NME7: variants seen among roughly 807,000 people sequenced by gnomAD.
The protein encoded by NME7 is NME/NM23 family member 7, also known as nucleoside diphosphate kinase 7.
A neutral mutation model predicts 49.1 loss-of-function variants in NME7; 41 were observed. The ratio of observed to expected loss-of-function variants is 0.83; its 90% CI spans 0.65 to 1.08. NME7 has a LOEUF of 1.08. NME7 is among the 50% of genes least tolerant of loss of function. The pLI, the probability that NME7 is intolerant of heterozygous loss-of-function variation, is 0.00. For missense variants in NME7, 423 were observed against 463.4 expected (o/e 0.91, Z 0.80); for synonymous variants, 139 against 150.6 (o/e 0.92, Z 0.56).
intron 1 of NME7, among the ~76,000 whole-genome samples, chr1:169,334,565 A>C (rs532782598): frequency 1.3e-4 from 20 of 152,348 alleles, no homozygotes; most frequent in Admixed American, 1.2e-3. Flanking sequence ...AATTAACTCA[A>C]GATGGATTAA....
intron 10 of NME7, among the ~76,000 whole-genome samples, chr1:169,172,385 C>G (rs2101735813): frequency 6.7e-6 from 1 of 148,998 alleles, no homozygotes; most frequent in Non-Finnish European, 1.5e-5. Flanking sequence ...TCCTTGTTTT[C>G]CAGCATCACT....
In NME7 at chr1:169,309,116, A is replaced by G. The variant is rs563939700; in HGVS notation, c.389+854T>C. ...GATGGGGTTTTGAAAGACAATAATA[A>G]TTAAATGAGGCATGCATAATTTGAC... is the stretch of plus-strand genomic sequence containing the variant. On this transcript the variant is annotated intron_variant, in intron 4 of 11. Coordinates refer to ENST00000367811, the MANE Select transcript of NME7 (RefSeq NM_013330.5). 8.8e-4 allele frequency among the ~76,000 whole-genome samples: 134 copies of G among 152,292 alleles called. 1 individual carries two copies. Among genetic ancestry groups the G allele is most frequent in the African/African-American group, 3.2e-3 (131 of 41,566 alleles).
At chr1:169,333,512 A>G (rs368458958) in intron 1 of NME7, among the ~76,000 whole-genome samples, 4 of 152,090 alleles carry the variant, frequency 2.6e-5, no homozygotes, top group African/African-American at 9.7e-5. Flanking sequence ...GGATAAATGT[A>G]TCAAAAGGAT....
chr1:169,250,008 C>T (rs1444139954), intron 7 of NME7, among the ~76,000 whole-genome samples: 1 of 151,932 alleles, frequency 6.6e-6, no homozygotes, highest in Non-Finnish European at 1.5e-5. Flanking sequence ...TAGGGAGGAT[C>T]CCTCTTTCTT....
Position 169,303,142 on chromosome 1 carries a change from T to C in NME7, c.440+3A>G. On this transcript the variant is annotated splice_donor_region_variant and intron_variant, in intron 5 of 11. Coordinates refer to ENST00000367811, the MANE Select transcript of NME7 (RefSeq NM_013330.5). The stretch of plus-strand genomic sequence containing the variant: ...ACCACTAATCCCCAAATTAAGGACC[T>C]ACTTGAAAAAGGGTCTTGACTGGTG... 6.4e-7 allele frequency: 1 copy of C among 1,564,714 alleles called. No homozygotes were observed. Among genetic ancestry groups the C allele is most frequent in the South Asian group, 1.2e-5 (1 of 86,242 alleles).
intron 7 of NME7, among the ~76,000 whole-genome samples, chr1:169,266,834 G>A (rs1024358951): frequency 1.5e-5 from 2 of 132,914 alleles, no homozygotes; most frequent in African/African-American, 2.5e-5. Flanking sequence ...TTGGGAGGCC[G>A]AGACAGGTGG....
chr1:169,237,957 T>C (rs904911727), intron 7 of NME7, among the ~76,000 whole-genome samples: 2 of 152,034 alleles, frequency 1.3e-5, no homozygotes, highest in Non-Finnish European at 2.9e-5. Context: ...TTAAAGCCCC[T>C]GAAGTCTAGG....
rs12752495 is a variant in NME7, at chr1:169,254,214, G to A, written c.755-16527C>T. ...GTCCTGGACTCTTTTTGGTTGGTAAGCTATTGATTCTTGCCACAATTTCAG... is the reference window on the plus strand; with the variant it reads ...GTCCTGGACTCTTTTTGGTTGGTAAACTATTGATTCTTGCCACAATTTCAG... On this transcript the variant is annotated intron_variant, in intron 7 of 11. Transcript: ENST00000367811. Among the ~76,000 whole-genome samples the A allele has an allele frequency of 0.037, 5,428 of 147,492 alleles. 693 individuals carry two copies. In the East Asian group the frequency reaches 0.57, roughly 15 times the overall value.
chr1:169,209,494 A>G (rs1660757163), intron 10 of NME7, among the ~76,000 whole-genome samples: 1 of 152,058 alleles, frequency 6.6e-6, no homozygotes, highest in Non-Finnish European at 1.5e-5. Flanking sequence ...CCCATGTCCA[A>G]ATTACCAAGT....
At chr1:169,189,368 A>C (rs1213662594) in intron 10 of NME7, among the ~76,000 whole-genome samples, 2 of 152,198 alleles carry the variant, frequency 1.3e-5, no homozygotes, top group Non-Finnish European at 2.9e-5. Flanking sequence ...TCAATTTGCT[A>C]TTTAAACTTA....
intron 1 of NME7, among the ~76,000 whole-genome samples, chr1:169,363,372 C>T (rs557299549): frequency 6.9e-4 from 105 of 152,300 alleles, no homozygotes; most frequent in Non-Finnish European, 1.4e-3. Flanking sequence ...GAATCCAGTA[C>T]ACATCCAATA....
intron 5 of NME7, among the ~76,000 whole-genome samples, chr1:169,299,804 C>T (rs1650869294): frequency 6.6e-6 from 1 of 152,138 alleles, no homozygotes; most frequent in South Asian, 2.1e-4. Flanking sequence ...AATACCTCCT[C>T]ATACATTTTC....
intron 11 of NME7, among the ~76,000 whole-genome samples, chr1:169,158,682 A>C (rs552462151): frequency 6.6e-6 from 1 of 152,190 alleles, no homozygotes; most frequent in Non-Finnish European, 1.5e-5. Flanking sequence ...GTAGTTCTCA[A>C]ATTTCATGGG....
At chr1:169,362,121 T>C (rs763566078) in intron 1 of NME7, among the ~76,000 whole-genome samples, 1 of 152,008 alleles carries the variant, frequency 6.6e-6, no homozygotes, top group Non-Finnish European at 1.5e-5. Context: ...GGCAGGAGAA[T>C]CGCTTGAACC....
At chr1:169,359,051 C>T (rs1329214718) in intron 1 of NME7, among the ~76,000 whole-genome samples, 3 of 151,946 alleles carry the variant, frequency 2.0e-5, no homozygotes, top group African/African-American at 4.8e-5. Context: ...TAGAGCTGTC[C>T]CTCAGTATTT....
rs1244802069 is a variant in NME7, at chr1:169,317,040, C to T, written c.278+6077G>A. 3.3e-5 allele frequency among the ~76,000 whole-genome samples: 5 copies of T among 150,788 alleles called. No individual in the cohort carries two copies. The East Asian group carries it at 9.8e-4, about 30-fold the overall frequency. On this transcript the variant is annotated intron_variant, in intron 3 of 11. Transcript: ENST00000367811. ...GAAAACAGTAAAATAGAAACATATA[C>T]AAAAATAACAATAATCACAGCATAT... is the stretch of plus-strand genomic sequence containing the variant.
chr1:169,268,134 T>C lies in NME7; in HGVS notation c.754+19169A>G, dbSNP rs1270078989. ...CCCATAACACAGTGGGTGAAGGACA[T>C]GAACAGACAATTTTCAAAAGAAGAC... is the stretch of plus-strand genomic sequence containing the variant. On this transcript the variant is annotated intron_variant, in intron 7 of 11. Coordinates refer to ENST00000367811, the MANE Select transcript of NME7 (RefSeq NM_013330.5). Among the ~76,000 whole-genome samples the C allele has an allele frequency of 3.0e-5, 4 of 132,628 alleles. 1 individual carries two copies. Among genetic ancestry groups the C allele is most frequent in the African/African-American group, 1.0e-4 (4 of 39,182 alleles). 87.0% of individuals were successfully genotyped at this position (132,628 alleles called of 152,430 possible).
intron 10 of NME7, among the ~76,000 whole-genome samples, chr1:169,175,544 CGTGA>C (rs1244772994): frequency 2.6e-5 from 4 of 152,200 alleles, no homozygotes; most frequent in African/African-American, 9.6e-5. Flanking sequence ...ACCACAAACA[CGTGA>C]GTAATGCATT....
chr1:169,251,638 C>A (rs566325582), intron 7 of NME7, among the ~76,000 whole-genome samples: 1 of 145,932 alleles, frequency 6.9e-6, no homozygotes, highest in Admixed American at 7.0e-5. Flanking sequence ...TATACATGTG[C>A]CATGCTGGTG....
Sources: gnomAD v4.1 joint callset for allele counts (sites outside exome capture counted in the v4.1 genomes callset) on GRCh38, gnomAD v4.1.1 for gene constraint, MANE v1.5 for transcripts, NCBI Gene and HGNC (gene_info 2026-07-23, HGNC 2026-07-21) for gene names.